The following CHCHD6 variants were observed in gnomAD, a reference collection of about 807,000 sequenced individuals.
CHCHD6 encodes coiled-coil-helix-coiled-coil-helix domain containing 6.
A neutral mutation model predicts 32.3 loss-of-function variants in CHCHD6; 28 were observed. The ratio of observed to expected loss-of-function variants is 0.87; its 90% CI spans 0.64 to 1.19. The LOEUF (loss-of-function observed/expected upper bound fraction) is 1.19, where lower values mean the gene tolerates loss of function less well. CHCHD6 is among the 50% of genes most tolerant of loss of function. The probability of loss-of-function intolerance (pLI) is 0.00; values close to 1 mark genes in which losing one functional copy is unlikely to be tolerated. For synonymous variants in CHCHD6, 122 were observed against 117.5 expected, an observed-to-expected ratio of 1.04 and a Z score of -0.25; for missense variants, 333 against 307.0, an observed-to-expected ratio of 1.08 and a Z score of -0.63.
intron 4 of CHCHD6, among the ~76,000 whole-genome samples, chr3:126,775,523 C>G (rs539313981): frequency 1.1e-4 from 16 of 152,244 alleles, no homozygotes; most frequent in Admixed American, 9.2e-4. Flanking sequence ...TTTCAAAAGT[C>G]AGTAACTGGG....
chr3:126,815,650 C>G (rs1009508645), intron 4 of CHCHD6, among the ~76,000 whole-genome samples: 8 of 150,350 alleles, frequency 5.3e-5, no homozygotes, highest in South Asian at 2.1e-4. Flanking sequence ...CTTGCCCCCC[C>G]CCCCCCATCT....
chr3:126,859,269 G>T (rs544080313), intron 5 of CHCHD6, among the ~76,000 whole-genome samples: 1 of 152,272 alleles, frequency 6.6e-6, no homozygotes, highest in South Asian at 2.1e-4. Context: ...TCAGTGGGCC[G>T]CATGCAGGGC....
intron 4 of CHCHD6, chr3:126,766,628 C>T (rs898330826): frequency 3.5e-5 from 36 of 1,034,530 alleles, no homozygotes; most frequent in African/African-American, 1.4e-4. Flanking sequence ...CCCCGAAGGT[C>T]GGTGATGGGC....
At chr3:126,932,859 T>C (rs1390907874) in intron 6 of CHCHD6, among the ~76,000 whole-genome samples, 2 of 151,864 alleles carry the variant, frequency 1.3e-5, no homozygotes, top group Non-Finnish European at 2.9e-5. Flanking sequence ...AGGCGGGGCT[T>C]CTCTGGATGT....
chr3:126,797,995 C>A (rs1336522113), intron 4 of CHCHD6, among the ~76,000 whole-genome samples: 1 of 152,196 alleles, frequency 6.6e-6, no homozygotes. Context: ...CTTCCCAGGC[C>A]TTGTGCTGTA....
chr3:126,757,102 T>A (rs1936981010), intron 4 of CHCHD6, among the ~76,000 whole-genome samples: 2 of 152,180 alleles, frequency 1.3e-5, no homozygotes, highest in African/African-American at 4.8e-5. Context: ...AGGTTGAGCC[T>A]CCTAAATCTA....
rs959735619 is a variant in CHCHD6 at position 126,773,420 on chromosome 3, G to A, written c.411+40198G>A. 5.9e-5 allele frequency among the ~76,000 whole-genome samples: 9 copies of A among 152,264 alleles called. No homozygotes were observed. The South Asian group carries it at 8.3e-4, about 14-fold the overall frequency. ...GTGGAACCAAGGACCAGAGTCTCAC[G>A]TTGGGAATGTGGCTACAACTGAGCC... On this transcript the variant is annotated intron_variant, in intron 4 of 7. Transcript: ENST00000290913.
intron 5 of CHCHD6, among the ~76,000 whole-genome samples, chr3:126,868,829 A>G (rs1471934070): frequency 6.6e-6 from 1 of 152,150 alleles, no homozygotes; most frequent in Non-Finnish European, 1.5e-5. Flanking sequence ...AGCTGCCTAA[A>G]CTTGTTTTCT....
chr3:126,926,102 T>C (rs968914488), intron 6 of CHCHD6, among the ~76,000 whole-genome samples: 12 of 152,336 alleles, frequency 7.9e-5, no homozygotes, highest in Non-Finnish European at 1.5e-4. Context: ...TCAGCTCAAA[T>C]GTGTCTTTCT....
chr3:126,921,106 T>A (rs896151035), intron 6 of CHCHD6, among the ~76,000 whole-genome samples: 4 of 152,006 alleles, frequency 2.6e-5, no homozygotes, highest in African/African-American at 9.7e-5. Context: ...AAGGAAACAG[T>A]AAAATCCTAA....
At chr3:126,877,842 A>C (rs2077559985) in intron 5 of CHCHD6, among the ~76,000 whole-genome samples, 1 of 152,238 alleles carries the variant, frequency 6.6e-6, no homozygotes, top group South Asian at 2.1e-4. Context: ...GGATTGTCTG[A>C]ATTATTTATT....
At chr3:126,922,134 C>T in intron 6 of CHCHD6, among the ~76,000 whole-genome samples, 1 of 152,206 alleles carries the variant, frequency 6.6e-6, no homozygotes. Context: ...CAGTTTGATA[C>T]ATTCATTTAA....
At chr3:126,735,593 G>A (rs1936008408) in intron 4 of CHCHD6, among the ~76,000 whole-genome samples, 1 of 152,174 alleles carries the variant, frequency 6.6e-6, no homozygotes, top group Admixed American at 6.5e-5. Context: ...CACAGTGCAA[G>A]CTTAGCCAGC....
At chr3:126,777,060 C>T (rs72978834) in intron 4 of CHCHD6, among the ~76,000 whole-genome samples, 4,042 of 152,244 alleles carry the variant, frequency 0.027, 124 homozygotes, top group East Asian at 0.14. Context: ...GTGTCTAGCT[C>T]AGACTTCACC....
chr3:126,920,790 G>C (rs1227374363), intron 6 of CHCHD6, among the ~76,000 whole-genome samples: 2 of 152,154 alleles, frequency 1.3e-5, no homozygotes, highest in Non-Finnish European at 2.9e-5. Flanking sequence ...CTATTTGCCT[G>C]ACATTCACCC....
intron 5 of CHCHD6, among the ~76,000 whole-genome samples, chr3:126,853,025 C>T (rs888468273): frequency 2.6e-5 from 4 of 152,114 alleles, no homozygotes; most frequent in African/African-American, 4.8e-5. Flanking sequence ...AATTCACTTT[C>T]ACCACAGGGC....
chr3:126,720,850 A>C (rs959668980), intron 1 of CHCHD6, among the ~76,000 whole-genome samples: 12 of 152,044 alleles, frequency 7.9e-5, no homozygotes, highest in African/African-American at 2.7e-4. Flanking sequence ...GGGGCTTTAG[A>C]TGTTTCTCCT....
chr3:126,728,648 T>C (rs903458916), intron 2 of CHCHD6, among the ~76,000 whole-genome samples: 6 of 152,206 alleles, frequency 3.9e-5, no homozygotes, highest in Admixed American at 3.9e-4. Flanking sequence ...CAATGCACTT[T>C]AACAAACTGG....
chr3:126,745,169 C>T (rs1028311104), intron 4 of CHCHD6, among the ~76,000 whole-genome samples: 1 of 152,174 alleles, frequency 6.6e-6, no homozygotes, highest in Non-Finnish European at 1.5e-5. Flanking sequence ...GGACACGTGA[C>T]TGCCCCAAAC....
Sources: allele counts gnomAD v4.1 joint callset (sites outside exome capture counted in the v4.1 genomes callset), GRCh38; gene constraint gnomAD v4.1.1; transcripts MANE v1.5; gene names NCBI Gene and HGNC (gene_info 2026-07-23, HGNC 2026-07-21).